CCDC178: variants seen among roughly 807,000 people sequenced by gnomAD.
The protein encoded by CCDC178 is coiled-coil domain-containing protein 178.
Under a neutral mutation model 117.4 loss-of-function variants are expected in CCDC178, and 126 were observed. That is an observed-to-expected ratio of 1.07 (90% CI 0.93 to 1.24). The LOEUF is 1.24. CCDC178 is among the 50% of genes most tolerant of loss of function. CCDC178 has a pLI of 0.00. For synonymous variants in CCDC178, 283 were observed against 313.4 expected, an observed-to-expected ratio of 0.90 and a Z score of 1.02; for missense variants, 1,030 against 986.9, an observed-to-expected ratio of 1.04 and a Z score of -0.59.
At chr18:32,949,924 G>T (rs1401809377) in intron 22 of CCDC178, among the ~76,000 whole-genome samples, 1 of 152,042 alleles carries the variant, frequency 6.6e-6, no homozygotes, top group Non-Finnish European at 1.5e-5. Context: ...AAATTTGTTA[G>T]GTGGGAATAG....
intron 11 of CCDC178, among the ~76,000 whole-genome samples, chr18:33,316,393 C>G (rs964865798): frequency 6.6e-6 from 1 of 152,184 alleles, no homozygotes; most frequent in Non-Finnish European, 1.5e-5. Context: ...GATTTCTCCC[C>G]GGGCCTTAGC....
intron 21 of CCDC178, among the ~76,000 whole-genome samples, chr18:33,069,032 G>A (rs1353101145): frequency 6.6e-6 from 1 of 151,940 alleles, no homozygotes; most frequent in Non-Finnish European, 1.5e-5. Flanking sequence ...TAACAAATTA[G>A]CTAATAATGA....
intron 20 of CCDC178, among the ~76,000 whole-genome samples, chr18:33,104,768 G>A (rs1270708217): frequency 1.3e-5 from 2 of 151,672 alleles, no homozygotes; most frequent in Non-Finnish European, 2.9e-5. Context: ...TTTGATGTTG[G>A]CCATATATTA....
chr18:33,209,487 C>T (rs2059082681), intron 20 of CCDC178, among the ~76,000 whole-genome samples: 1 of 151,994 alleles, frequency 6.6e-6, no homozygotes, highest in Non-Finnish European at 1.5e-5. Flanking sequence ...AGATTAGTAA[C>T]ATTACATTTA....
rs190293077 is a variant in CCDC178, at chr18:33,388,360, G to C, written c.208+1180C>G. Among the ~76,000 whole-genome samples the C allele has an allele frequency of 5.9e-4, 89 of 152,004 alleles. 1 individual carries two copies. The highest frequency in any genetic ancestry group is 3.4e-3 in the Middle Eastern group (1 of 292). On this transcript the variant is annotated intron_variant, in intron 5 of 22. Coordinates refer to ENST00000383096, the MANE Select transcript of CCDC178 (RefSeq NM_001105528.4). ...ATTTGACCCAGCAACTGCATTACTGGATATACATCCTAAGGAGCATAAATC... is the reference window on the plus strand; with the variant it reads ...ATTTGACCCAGCAACTGCATTACTGCATATACATCCTAAGGAGCATAAATC...
intron 20 of CCDC178, among the ~76,000 whole-genome samples, chr18:33,173,628 T>G (rs1300384031): frequency 6.6e-6 from 1 of 152,182 alleles, no homozygotes; most frequent in African/African-American, 2.4e-5. Context: ...TTTCTCCAAG[T>G]CTGGTTCTGA....
chr18:33,317,829 TA>T (rs371697809), intron 11 of CCDC178, among the ~76,000 whole-genome samples: 79 of 151,450 alleles, frequency 5.2e-4, no homozygotes, highest in Non-Finnish European at 1.0e-3. Flanking sequence ...CACCTGTGAT[TA>T]AAAAAAAAGT....
chr18:33,221,130 C>T (rs556514719), intron 18 of CCDC178, among the ~76,000 whole-genome samples: 2 of 152,144 alleles, frequency 1.3e-5, no homozygotes, highest in African/African-American at 4.8e-5. Context: ...CGCGCACTCT[C>T]AGTCATCTTC....
intron 20 of CCDC178, among the ~76,000 whole-genome samples, chr18:33,192,250 T>C (rs994401037): frequency 6.6e-6 from 1 of 152,130 alleles, no homozygotes; most frequent in African/African-American, 2.4e-5. Context: ...TAATATAGTA[T>C]GAATTCAATA....
At chr18:33,276,740 G>A (rs1300595110) in intron 12 of CCDC178, among the ~76,000 whole-genome samples, 3 of 152,040 alleles carry the variant, frequency 2.0e-5, no homozygotes, top group Admixed American at 1.3e-4. Context: ...AAATTGGGGT[G>A]TGTTTAAGAA....
chr18:33,210,772 G>A (rs145569365), intron 20 of CCDC178, among the ~76,000 whole-genome samples: 22 of 152,066 alleles, frequency 1.4e-4, no homozygotes, highest in East Asian at 3.9e-4. Flanking sequence ...GAGGCATCAC[G>A]TATTGCCACT....
intron 11 of CCDC178, among the ~76,000 whole-genome samples, chr18:33,314,835 A>C (rs535356444): frequency 6.6e-6 from 1 of 152,294 alleles, no homozygotes; most frequent in South Asian, 2.1e-4. Context: ...ACCACACCTG[A>C]GTAAAAGCAG....
intron 12 of CCDC178, among the ~76,000 whole-genome samples, chr18:33,278,230 CATATAT>C (rs35611375): frequency 2.6e-4 from 37 of 143,716 alleles, no homozygotes; most frequent in African/African-American, 3.6e-4. Flanking sequence ...AAAATACATA[CATATAT>C]ATATATATAT....
intron 21 of CCDC178, among the ~76,000 whole-genome samples, chr18:33,011,858 C>G (rs2055878557): frequency 7.0e-6 from 1 of 142,944 alleles, no homozygotes; most frequent in Admixed American, 7.3e-5. Context: ...CTACAGTTTC[C>G]CTGTTGGAGA....
chr18:33,358,628 A>C (rs1391441245), intron 6 of CCDC178, among the ~76,000 whole-genome samples: 2 of 151,912 alleles, frequency 1.3e-5, no homozygotes, highest in South Asian at 2.1e-4. Flanking sequence ...CAAAAAAGAA[A>C]TCAATTTCAC....
chr18:33,231,816 T>C (rs1356660385), intron 15 of CCDC178, among the ~76,000 whole-genome samples: 1 of 152,124 alleles, frequency 6.6e-6, no homozygotes, highest in African/African-American at 2.4e-5. Context: ...CTGAACCCTA[T>C]GTTGAGACAC....
At chr18:33,342,906 A>G (rs1213810938) in intron 9 of CCDC178, among the ~76,000 whole-genome samples, 1 of 152,174 alleles carries the variant, frequency 6.6e-6, no homozygotes, top group Non-Finnish European at 1.5e-5. Flanking sequence ...AATTACTGAG[A>G]CCTTCTTCCA....
intron 21 of CCDC178, among the ~76,000 whole-genome samples, chr18:33,040,960 C>T (rs957451158): frequency 2.6e-5 from 4 of 151,918 alleles, no homozygotes; most frequent in African/African-American, 9.6e-5. Flanking sequence ...TGTGAATATG[C>T]CTTGTGTTGG....
intron 18 of CCDC178, among the ~76,000 whole-genome samples, chr18:33,216,309 A>G (rs1441544604): frequency 1.3e-5 from 2 of 152,072 alleles, no homozygotes; most frequent in Non-Finnish European, 2.9e-5. Flanking sequence ...ACAAGGATAT[A>G]TATATTGTTC....
Sources: gnomAD v4.1 joint callset for allele counts (sites outside exome capture counted in the v4.1 genomes callset) on GRCh38, gnomAD v4.1.1 for gene constraint, MANE v1.5 for transcripts, NCBI Gene and HGNC (gene_info 2026-07-23, HGNC 2026-07-21) for gene names.